The following LIN54 variants were observed in gnomAD, a reference collection of about 807,000 sequenced individuals.
The protein encoded by LIN54 is protein lin-54 homolog.
Under a neutral mutation model 78.7 loss-of-function variants are expected in LIN54, and 9 were observed. The ratio of observed to expected loss-of-function variants is 0.11; its 90% CI spans 0.07 to 0.20. LIN54 has a LOEUF of 0.20. Among genes scored for constraint, LIN54 ranks in the 10% least tolerant of loss-of-function variants. The pLI is 1.00. For synonymous variants in LIN54, 269 were observed against 318.4 expected, an observed-to-expected ratio of 0.84 and a Z score of 1.65; for missense variants, 573 against 889.9, an observed-to-expected ratio of 0.64 and a Z score of 4.53.
intron 3 of LIN54, among the ~76,000 whole-genome samples, chr4:82,977,792 C>T (rs767115932): frequency 6.6e-6 from 1 of 152,106 alleles, no homozygotes; most frequent in Non-Finnish European, 1.5e-5. Flanking sequence ...TTCATATAAG[C>T]CTTTAGCACA....
At position 82,961,907 on chromosome 4, in the gene LIN54, G is replaced by T. The variant is rs190471098; in HGVS notation, c.951+8420C>A. Among the ~76,000 whole-genome samples the T allele has an allele frequency of 4.7e-4, 70 of 149,980 alleles. No individual in the cohort carries two copies. In the East Asian group the frequency reaches 0.011, roughly 23 times the overall value. On this transcript the variant is annotated intron_variant, in intron 4 of 12. Transcript: ENST00000340417. ...GGAGGCGGAGGTTGCAGTGAGCCAA[G>T]ATGGCACCACTGCACTCCAGTCTGG...
At chr4:83,005,052 G>A (rs1411781199) in intron 1 of LIN54, among the ~76,000 whole-genome samples, 1 of 151,896 alleles carries the variant, frequency 6.6e-6, no homozygotes, top group Non-Finnish European at 1.5e-5. Flanking sequence ...CCACCACCAT[G>A]CCCGGTTCAT....
intron 6 of LIN54, 38 bp from the exon 7 acceptor site, chr4:82,939,774 A>C (rs1456808517): frequency 1.9e-6 from 3 of 1,609,726 alleles, no homozygotes; most frequent in Non-Finnish European, 2.6e-6. Flanking sequence ...CCACAAAATA[A>C]ATTTTACAGC....
chr4:83,010,667 G>A lies in LIN54; in HGVS notation c.-216C>T, dbSNP rs1163320243. 78 of 1,231,390 alleles carry A rather than the reference G, an allele frequency of 6.3e-5. No homozygotes were observed. Among genetic ancestry groups the A allele is most frequent in the Non-Finnish European group, 7.9e-5 (78 of 987,650 alleles). The allele number at this position is 1,231,390 out of a possible 1,614,324, so 76.3% of individuals were successfully genotyped here. ...GTACCCGGGGACCGAGAAGGGAGCCGGGGTGGCGACGTCGCCGTCGCCGCC... is the reference window on the plus strand; with the variant it reads ...GTACCCGGGGACCGAGAAGGGAGCCAGGGTGGCGACGTCGCCGTCGCCGCC... On this transcript the variant is annotated 5_prime_UTR_variant, in exon 1 of 13. Coordinates refer to ENST00000340417, the MANE Select transcript of LIN54 (RefSeq NM_194282.4).
chr4:82,999,202 G>A (rs182270679), intron 1 of LIN54, among the ~76,000 whole-genome samples: 3 of 152,194 alleles, frequency 2.0e-5, no homozygotes, highest in East Asian at 1.9e-4. Context: ...AATAACACTA[G>A]GAGACCCATA....
intron 1 of LIN54, among the ~76,000 whole-genome samples, chr4:82,987,024 C>T (rs1424746384): frequency 1.3e-5 from 2 of 152,200 alleles, no homozygotes; most frequent in Non-Finnish European, 2.9e-5. Context: ...GGCACACTGG[C>T]TCTTACCTGT....
intron 1 of LIN54, among the ~76,000 whole-genome samples, chr4:82,998,531 G>A (rs190139664): frequency 5.2e-5 from 6 of 116,126 alleles, no homozygotes; most frequent in South Asian, 2.8e-4. Flanking sequence ...GCGAGACTCC[G>A]TCAGAGAAAG....
intron 2 of LIN54, among the ~76,000 whole-genome samples, chr4:82,981,404 T>C (rs961293649): frequency 6.6e-6 from 1 of 152,150 alleles, no homozygotes; most frequent in African/African-American, 2.4e-5. Flanking sequence ...ATGGCCTCCA[T>C]CTTCCACCGT....
intron 1 of LIN54, among the ~76,000 whole-genome samples, chr4:83,005,626 GA>G (rs34604804): frequency 0.25 from 25,795 of 104,504 alleles, 2,372 homozygotes; most frequent in South Asian, 0.37. Flanking sequence ...CTCCATCTCA[GA>G]AAAAAAAAAA....
intron 1 of LIN54, among the ~76,000 whole-genome samples, chr4:82,986,690 G>A (rs1487015768): frequency 3.3e-5 from 4 of 122,182 alleles, no homozygotes; most frequent in East Asian, 2.4e-4. Context: ...GCGACAGAGC[G>A]AGACCCCATC....
chr4:82,995,089 G>T (rs2126100018), intron 1 of LIN54, among the ~76,000 whole-genome samples: 1 of 152,044 alleles, frequency 6.6e-6, no homozygotes, highest in Non-Finnish European at 1.5e-5. Flanking sequence ...CCAGGAGTTG[G>T]AGACCAGCCT....
chr4:82,963,434 A>G (rs1303906548), intron 4 of LIN54, among the ~76,000 whole-genome samples: 1 of 152,194 alleles, frequency 6.6e-6, no homozygotes, highest in Non-Finnish European at 1.5e-5. Context: ...AAATGAAAGC[A>G]AATAAAGGAC....
At chr4:82,969,672 G>A (rs1205624940) in intron 4 of LIN54, among the ~76,000 whole-genome samples, 3 of 152,180 alleles carry the variant, frequency 2.0e-5, no homozygotes, top group Non-Finnish European at 4.4e-5. Flanking sequence ...AGTCACAAGC[G>A]TGAAACCTAA....
chr4:82,986,933 C>T (rs1178486082), intron 1 of LIN54, among the ~76,000 whole-genome samples: 1 of 151,982 alleles, frequency 6.6e-6, no homozygotes, highest in Non-Finnish European at 1.5e-5. Context: ...GTTAATTTGC[C>T]TAAGGTCACA....
chr4:82,947,227 A>T (rs1253374325), intron 4 of LIN54, among the ~76,000 whole-genome samples: 1,044 of 22,820 alleles, frequency 0.046, 57 homozygotes, highest in African/African-American at 0.16. Context: ...ATATATATAT[A>T]TATATATATT....
rs1721896684 is a variant in LIN54, at chr4:82,930,960, T to G, written c.2031A>C (p.Leu677Phe). Residue 677 changes from leucine (L) to phenylalanine (F), a missense_variant, in exon 12 of 13, where the codon TTA becomes TTC. This residue lies in a region of LIN54 where 82 missense variants were observed against 140.8 expected (regional missense o/e 0.58). Transcript: ENST00000340417. ...SDLLTRPTPA[L>F]NSGGGKLPFT... The stretch of plus-strand genomic sequence containing the variant: ...TGACTTACTTTCCGCCTCCACTATT[T>G]AAAGCTGGTGTTGGCCTAGTAAGCA... The G allele has an allele frequency of 6.2e-7, 1 of 1,614,026 alleles. No individual in the cohort carries two copies. The highest frequency in any genetic ancestry group is 1.3e-5 in the African/African-American group (1 of 74,938).
At chr4:83,012,864 C>G (rs1411152798), upstream of LIN54, 1 of 152,080 alleles carries the variant, frequency 6.6e-6, no homozygotes, top group Non-Finnish European at 1.5e-5. Flanking sequence ...GCGGCGGCGG[C>G]GCCTCCGAGA....
intron 1 of LIN54, among the ~76,000 whole-genome samples, chr4:83,000,974 C>A (rs1040648624): frequency 6.6e-6 from 1 of 151,918 alleles, no homozygotes; most frequent in African/African-American, 2.4e-5. Context: ...CGCGCCACCA[C>A]GCCCAGCTAA....
intron 2 of LIN54, 34 bp downstream of exon 2, chr4:82,984,127 C>T (rs763183301): frequency 1.0e-5 from 15 of 1,444,826 alleles, no homozygotes; most frequent in Non-Finnish European, 1.3e-5. Flanking sequence ...TTTAAACATG[C>T]ATTTTAATTA....
Sources: allele counts gnomAD v4.1 joint callset (sites outside exome capture counted in the v4.1 genomes callset), GRCh38; gene constraint gnomAD v4.1.1; regional missense constraint gnomAD v4.1.1; transcripts MANE v1.5; gene names NCBI Gene and HGNC (gene_info 2026-07-23, HGNC 2026-07-21).